TTC34: variants seen among roughly 807,000 people sequenced by gnomAD.
TTC34 encodes the protein tetratricopeptide repeat protein 34.
A neutral mutation model predicts 40.7 loss-of-function variants in TTC34; 44 were observed. The ratio of observed to expected loss-of-function variants is 1.08; its 90% CI spans 0.85 to 1.39. The LOEUF is 1.39. Ranked by LOEUF, TTC34 falls within the 40% of genes most tolerant of loss-of-function variation. TTC34 has a pLI of 0.00. For missense variants in TTC34, 884 were observed against 838.0 expected (o/e 1.05, Z -0.68); for synonymous variants, 422 against 398.6 (o/e 1.06, Z -0.70).
chr1:2,687,365 C>G (rs4074927), intron 6 of TTC34, among the ~76,000 whole-genome samples: 2 of 144,500 alleles, frequency 1.4e-5, no homozygotes, highest in Admixed American at 1.4e-4. Context: ...AGCACCCCCA[C>G]CCCCAGGCGA....
chr1:2,646,810 A>G (rs952432737), intron 6 of TTC34, among the ~76,000 whole-genome samples: 7 of 152,316 alleles, frequency 4.6e-5, no homozygotes, highest in Admixed American at 2.6e-4. Flanking sequence ...GTTCTCTTCA[A>G]TTTCACCACC....
At chr1:2,643,961 G>A (rs557600702) in intron 8 of TTC34, among the ~76,000 whole-genome samples, 1 of 152,326 alleles carries the variant, frequency 6.6e-6, no homozygotes, top group African/African-American at 2.4e-5. Flanking sequence ...CGGGCAAGGT[G>A]CCCCTGGCTG....
intron 6 of TTC34, among the ~76,000 whole-genome samples, chr1:2,752,833 C>T (rs1641369049): frequency 2.7e-5 from 4 of 147,656 alleles, no homozygotes; most frequent in Non-Finnish European, 6.0e-5. Context: ...GCGCACCTGA[C>T]AGACTGGAAC....
intron 6 of TTC34, among the ~76,000 whole-genome samples, chr1:2,767,490 T>G: frequency 6.8e-6 from 1 of 147,458 alleles, no homozygotes; most frequent in African/African-American, 2.5e-5. Context: ...CAACCACAGG[T>G]GAGGATCTGA....
chr1:2,751,988 C>A (rs1440149202), intron 6 of TTC34, among the ~76,000 whole-genome samples: 2 of 108,292 alleles, frequency 1.8e-5, no homozygotes, highest in Admixed American at 9.7e-5. Flanking sequence ...GAGCATTTGA[C>A]AGCCTGGAGC....
chr1:2,698,533 G>T (rs560252137), intron 6 of TTC34, among the ~76,000 whole-genome samples: 1 of 140,146 alleles, frequency 7.1e-6, no homozygotes, highest in African/African-American at 2.8e-5. Context: ...CACACCCCCA[G>T]GTGAGCATCG....
intron 6 of TTC34, among the ~76,000 whole-genome samples, chr1:2,780,083 C>T (rs552472269): frequency 2.6e-5 from 4 of 152,326 alleles, no homozygotes; most frequent in Admixed American, 1.3e-4. Context: ...CACTGCACTC[C>T]AGCCTGGGTG....
chr1:2,691,027 G>A (rs1640594600), intron 6 of TTC34, among the ~76,000 whole-genome samples: 1 of 85,064 alleles, frequency 1.2e-5, no homozygotes, highest in Non-Finnish European at 2.9e-5. Flanking sequence ...ACACCAACAG[G>A]CGAGCATCTG....
rs1383527357 is a variant in TTC34, at chr1:2,751,725, C to A, written c.2226+31884G>T. Among the ~76,000 whole-genome samples the A allele has an allele frequency of 1.3e-3, 203 of 151,200 alleles. 3 individuals are homozygous for A. Among genetic ancestry groups the A allele is most frequent in the African/African-American group, 4.7e-3 (192 of 41,002 alleles). ...ATCCGACAGCCTGGAGCAGCACCCA[C>A]ACCCCCAGGTGAGCATCTGACATCG... On this transcript the variant is annotated intron_variant, in intron 6 of 8. Transcript: ENST00000401095.
chr1:2,642,321 C>T (rs1638924472), intron 8 of TTC34, among the ~76,000 whole-genome samples: 1 of 152,188 alleles, frequency 6.6e-6, no homozygotes, highest in South Asian at 2.1e-4. Flanking sequence ...TCCCTCGGTC[C>T]CTCTGGGCCA....
intron 6 of TTC34, among the ~76,000 whole-genome samples, chr1:2,655,047 G>A (rs74189317): frequency 8.4e-5 from 11 of 130,226 alleles, no homozygotes; most frequent in East Asian, 2.3e-4. Flanking sequence ...GGAACAGCAC[G>A]CTGCACCCCC....
In TTC34 at chr1:2,645,257, A is replaced by G; in HGVS notation, c.2497+36T>C. On this transcript the variant is annotated intron_variant, in intron 7 of 8. Coordinates refer to ENST00000401095, the Ensembl canonical transcript of TTC34. The surrounding 1 kb of genome is among the most constrained non-coding windows in gnomAD (Gnocchi z 4.7). ...GTCAGAGGAGCGGGGACAGAAGCCC[A>G]GACCCCGTGTTTCCCACCTTGGGGC... 1 of 1,437,990 alleles carries G rather than the reference A, an allele frequency of 7.0e-7. No homozygotes were observed. Among genetic ancestry groups the G allele is most frequent in the East Asian group, 2.5e-5 (1 of 39,580 alleles). 89.1% of individuals were successfully genotyped at this position (1,437,990 alleles called of 1,614,324 possible).
At chr1:2,757,532 C>A (rs1641546391) in intron 6 of TTC34, among the ~76,000 whole-genome samples, 1 of 143,022 alleles carries the variant, frequency 7.0e-6, no homozygotes, top group African/African-American at 2.7e-5. Context: ...CATCTGACAG[C>A]CTGGAACAGC....
intron 6 of TTC34, among the ~76,000 whole-genome samples, chr1:2,751,763 C>A (rs1641328211): frequency 6.7e-6 from 1 of 150,098 alleles, no homozygotes; most frequent in African/African-American, 2.5e-5. Context: ...GAGCAGCACC[C>A]CACACCCACA....
intron 6 of TTC34, among the ~76,000 whole-genome samples, chr1:2,767,809 C>T (rs1350097187): frequency 6.6e-6 from 1 of 150,688 alleles, no homozygotes; most frequent in Admixed American, 6.6e-5. Flanking sequence ...ACCCACACTC[C>T]CAGGTGAGCA....
intron 6 of TTC34, among the ~76,000 whole-genome samples, chr1:2,750,409 A>T (rs1404545312): frequency 1.0e-5 from 1 of 100,466 alleles, no homozygotes; most frequent in Admixed American, 1.1e-4. Flanking sequence ...GCACACCCCC[A>T]GGTGCGCACG....
intron 6 of TTC34, among the ~76,000 whole-genome samples, chr1:2,675,559 A>ACT (rs1639879604): frequency 7.4e-6 from 1 of 134,852 alleles, no homozygotes. Flanking sequence ...AAGAGCACCC[A>ACT]CACCCCAAGG....
intron 6 of TTC34, among the ~76,000 whole-genome samples, chr1:2,675,083 C>G (rs1208248000): frequency 9.5e-6 from 1 of 105,112 alleles, no homozygotes; most frequent in Non-Finnish European, 2.1e-5. Flanking sequence ...GCCCACACAC[C>G]CAGGCGAGCA....
chr1:2,769,917 A>T (rs1642018920), intron 6 of TTC34, among the ~76,000 whole-genome samples: 2 of 24,034 alleles, frequency 8.3e-5, no homozygotes, highest in Admixed American at 4.2e-4. Context: ...CCATACCCCC[A>T]GGTGAGATCT....
Sources: gnomAD v4.1 joint callset for allele counts (sites outside exome capture counted in the v4.1 genomes callset) on GRCh38, gnomAD v4.1.1 for gene constraint, Gnocchi (gnomAD v3.1) non-coding constraint, MANE v1.5 for transcripts, NCBI Gene and HGNC (gene_info 2026-07-23, HGNC 2026-07-21) for gene names.